Variants in LPIN1 observed in about 807,000 individuals in gnomAD.
LPIN1 encodes phosphatidate phosphatase LPIN1.
LPIN1 carries 71 observed loss-of-function variants against 107.5 expected under a neutral mutation model. The observed-to-expected ratio is 0.66, with a 90% CI of 0.55 to 0.80. The LOEUF is 0.80. Among genes scored for constraint, LPIN1 ranks in the 30% least tolerant of loss-of-function variants. The pLI, the probability that LPIN1 is intolerant of heterozygous loss-of-function variation, is 0.00. For synonymous variants in LPIN1, 445 were observed against 452.6 expected, an observed-to-expected ratio of 0.98 and a Z score of 0.21; for missense variants, 1,043 against 1,160.6, an observed-to-expected ratio of 0.90 and a Z score of 1.47.
At chr2:11,763,860 C>CTCT (rs1670255726) in intron 1 of LPIN1, among the ~76,000 whole-genome samples, 1 of 151,382 alleles carries the variant, frequency 6.6e-6, no homozygotes, top group African/African-American at 2.4e-5. Context: ...CCCTGTCCTC[C>CTCT]AAGCCCGCCT....
rs140608837 is a variant in LPIN1, at chr2:11,776,258, A to G, written c.830+65A>G. 8.6e-4 allele frequency: 889 copies of G among 1,035,030 alleles called. 6 individuals are homozygous for G. The African/African-American group carries it at 0.012, about 14-fold the overall frequency. 64.1% of individuals were successfully genotyped at this position (1,035,030 alleles called of 1,614,324 possible). Reference sequence around the variant, plus strand: ...TGAAAAATTTGATCTAACTCTTACTATAAGTCTATTTTACCATTAACCAAA... The same window carrying G: ...TGAAAAATTTGATCTAACTCTTACTGTAAGTCTATTTTACCATTAACCAAA... On this transcript the variant is annotated intron_variant, in intron 6 of 20. Coordinates refer to ENST00000674199, the MANE Select transcript of LPIN1 (RefSeq NM_001349206.2).
At chr2:11,787,400 T>C (rs1333704550) in intron 11 of LPIN1, among the ~76,000 whole-genome samples, 6 of 139,228 alleles carry the variant, frequency 4.3e-5, no homozygotes, top group Non-Finnish European at 7.8e-5. Context: ...TTCTTTTTCT[T>C]TTTTTTTTTT....
chr2:11,748,106 G>C (rs1430973081), intron 1 of LPIN1, among the ~76,000 whole-genome samples: 3 of 152,232 alleles, frequency 2.0e-5, no homozygotes, highest in Non-Finnish European at 4.4e-5. Context: ...TCAGGTGAGA[G>C]ACCGCAGGGA....
chr2:11,795,597 C>G, intron 14 of LPIN1, 110 bp downstream of exon 14: 1 of 999,154 alleles, frequency 1.0e-6, no homozygotes, highest in Non-Finnish European at 1.6e-6. Flanking sequence ...AACTCTGGCT[C>G]TGTGATTCAC....
chr2:11,687,752 T>G (rs2148504815), intron 1 of LPIN1, among the ~76,000 whole-genome samples: 1 of 152,346 alleles, frequency 6.6e-6, no homozygotes, highest in African/African-American at 2.4e-5. Context: ...CCCTCAAAAG[T>G]AGCCAAGCTC....
At chr2:11,764,776 C>T (rs953194613) in intron 1 of LPIN1, among the ~76,000 whole-genome samples, 20 of 152,236 alleles carry the variant, frequency 1.3e-4, no homozygotes, top group East Asian at 5.8e-4. Flanking sequence ...GGGGATCCTA[C>T]GCTGTATGAA....
chr2:11,787,816 C>G (rs189392315), intron 11 of LPIN1, among the ~76,000 whole-genome samples: 1 of 152,042 alleles, frequency 6.6e-6, no homozygotes, highest in East Asian at 1.9e-4. Context: ...TGGCGGGCGC[C>G]TGTAGTTCCA....
chr2:11,757,007 C>T (rs756385468), intron 1 of LPIN1, among the ~76,000 whole-genome samples: 1 of 152,134 alleles, frequency 6.6e-6, no homozygotes, highest in Non-Finnish European at 1.5e-5. Flanking sequence ...CCAGTCTTGC[C>T]AAAGGATATT....
intron 1 of LPIN1, among the ~76,000 whole-genome samples, chr2:11,750,638 T>C (rs10207506): frequency 0.35 from 53,945 of 152,130 alleles, 9,951 homozygotes; most frequent in Non-Finnish European, 0.41. Context: ...ACAACAGTCC[T>C]ATGAGGTGGC....
chr2:11,815,332 T>G (rs1326567155), intron 18 of LPIN1, 92 bp downstream of exon 18: 3 of 1,449,794 alleles, frequency 2.1e-6, no homozygotes, highest in Non-Finnish European at 2.9e-6. Flanking sequence ...GCCTCCTCAC[T>G]GGTCTTCTGC....
Position 11,718,967 on chromosome 2 carries a change from AC to A in LPIN1, c.138+5156del, listed in dbSNP as rs137916863. On this transcript the variant is annotated intron_variant, in intron 2 of 21. Transcript: ENST00000449576. ...TATCTCTTTTATCTTCTATTGCCCG[AC>A]TTTTTTGGTCTGTGATTTGGCAGAT... Among the ~76,000 whole-genome samples the A allele has an allele frequency of 3.3e-3, 500 of 152,088 alleles. 7 individuals are homozygous for A. In the East Asian group the frequency reaches 0.059, roughly 18 times the overall value.
At chr2:11,764,074 G>GTATATATATATATA (rs1337586691) in intron 1 of LPIN1, 1 of 75,724 alleles carries the variant, frequency 1.3e-5, no homozygotes, top group African/African-American at 5.5e-5. Flanking sequence ...GTGTGTGTGT[G>GTATATATATATATA]TGTGTATATA....
rs1290291530 is a variant in LPIN1 at position 11,825,814 on chromosome 2, T to C, written c.*1023T>C. 1 of 152,266 alleles carries C rather than the reference T, an allele frequency of 6.6e-6. No individual in the cohort carries two copies. Among genetic ancestry groups the C allele is most frequent in the African/African-American group, 2.4e-5 (1 of 41,476 alleles). 9.4% of individuals were successfully genotyped at this position (152,266 alleles called of 1,614,324 possible). A position where few individuals can be genotyped will look rare whatever the true frequency, so the allele number is the denominator to read the frequency against. On this transcript the variant is annotated 3_prime_UTR_variant, in exon 21 of 21. Transcript: ENST00000674199. This position sits in a 1 kb window ranked among gnomAD's most constrained non-coding sequence, Gnocchi z 4.1. ...ATGTATTGTTTTACTCTGATTAGGT[T>C]ACTGTGATAGGCATTTATTCATATT...
At chr2:11,795,865 T>C (rs562677505) in intron 14 of LPIN1, among the ~76,000 whole-genome samples, 1 of 152,262 alleles carries the variant, frequency 6.6e-6, no homozygotes, top group Non-Finnish European at 1.5e-5. Context: ...AAGTTTCACT[T>C]CTGAAGGAAC....
Sources: allele counts gnomAD v4.1 joint callset (sites outside exome capture counted in the v4.1 genomes callset), GRCh38; gene constraint gnomAD v4.1.1; non-coding constraint Gnocchi (gnomAD v3.1); transcripts MANE v1.5; gene names NCBI Gene and HGNC (gene_info 2026-07-23, HGNC 2026-07-21).